Variants in PALM2AKAP2 observed in about 807,000 individuals in gnomAD.
The protein encoded by PALM2AKAP2 is PALM2-AKAP2 fusion protein.
PALM2AKAP2 carries 37 observed loss-of-function variants against 71.5 expected under a neutral mutation model. The observed-to-expected ratio is 0.52, with a 90% CI of 0.40 to 0.68. The LOEUF (loss-of-function observed/expected upper bound fraction) is 0.68. Ranked by LOEUF, PALM2AKAP2 falls within the 30% of genes least tolerant of loss-of-function variation. PALM2AKAP2 has a pLI of 0.00. For missense variants in PALM2AKAP2, 1,224 were observed against 1,191.8 expected (o/e 1.03, Z -0.40); for synonymous variants, 468 against 478.8 (o/e 0.98, Z 0.29).
chr9:109,786,749 G>A (rs1398999424), intron 1 of PALM2AKAP2, among the ~76,000 whole-genome samples: 1 of 152,060 alleles, frequency 6.6e-6, no homozygotes, highest in African/African-American at 2.4e-5. Flanking sequence ...ACAAAGAGCA[G>A]CTACTCTGAC....
intron 3 of PALM2AKAP2, among the ~76,000 whole-genome samples, chr9:109,899,824 T>C (rs748305815): frequency 4.6e-5 from 7 of 152,190 alleles, no homozygotes; most frequent in Non-Finnish European, 8.8e-5. Context: ...CCATCAAGTC[T>C]CAGCTGAGAT....
intron 1 of PALM2AKAP2, among the ~76,000 whole-genome samples, chr9:109,700,370 T>C (rs1484093144): frequency 6.6e-6 from 1 of 152,178 alleles, no homozygotes; most frequent in Non-Finnish European, 1.5e-5. Flanking sequence ...ATGTAAGACG[T>C]GACTTTGCTC....
chr9:109,910,595 C>T (rs562553110), intron 3 of PALM2AKAP2, among the ~76,000 whole-genome samples: 17 of 152,190 alleles, frequency 1.1e-4, no homozygotes, highest in South Asian at 4.2e-4. Flanking sequence ...TTTTTAAAAA[C>T]GAAGAAGTCA....
chr9:109,976,350 G>T (rs1326566102), intron 6 of PALM2AKAP2, among the ~76,000 whole-genome samples: 1 of 152,232 alleles, frequency 6.6e-6, no homozygotes. Context: ...GGAAACTGAG[G>T]CATAGAAAGG....
intron 1 of PALM2AKAP2, among the ~76,000 whole-genome samples, chr9:109,785,881 A>G (rs1454860804): frequency 6.6e-6 from 1 of 152,208 alleles, no homozygotes; most frequent in African/African-American, 2.4e-5. Flanking sequence ...CTGCTGGACT[A>G]AAATCTTCTG....
rs76920486 is a variant in PALM2AKAP2 at position 109,758,203 on chromosome 9, T to C, written c.6-22285T>C. Among the ~76,000 whole-genome samples the C allele has an allele frequency of 1.1e-3, 172 of 152,262 alleles. 1 individual carries two copies. Among genetic ancestry groups the C allele is most frequent in the Non-Finnish European group, 2.1e-3 (144 of 67,992 alleles). ...TCCCCATCAGTGCATGAAGAGTTTTTCCATCCTGTCTTAAAGAGAAGTTGT... is the reference window on the plus strand; with the variant it reads ...TCCCCATCAGTGCATGAAGAGTTTTCCCATCCTGTCTTAAAGAGAAGTTGT... On this transcript the variant is annotated intron_variant, in intron 1 of 6. Coordinates refer to the PALM2AKAP2 transcript ENST00000374531.
chr9:110,136,389 G>A (rs771607826), exon 2 of PALM2AKAP2: 17 of 1,614,100 alleles, frequency 1.1e-5, no homozygotes, highest in Admixed American at 1.7e-5. Context: ...GATGTTGCCA[G>A]AGAGATCCGC....
intron 1 of PALM2AKAP2, among the ~76,000 whole-genome samples, chr9:110,118,933 G>A (rs1352263229): frequency 2.6e-5 from 4 of 152,106 alleles, no homozygotes; most frequent in Admixed American, 1.3e-4. Flanking sequence ...CAAAGGTAAC[G>A]TGCTCTTTAT....
At chr9:109,780,309 C>A, upstream of PALM2AKAP2, 1 of 1,353,866 alleles carries the variant, frequency 7.4e-7, no homozygotes, top group Non-Finnish European at 9.5e-7. Flanking sequence ...AGAGGCTGAG[C>A]CCGGGCGAGC....
At chr9:109,954,243 T>G (rs1013170032) in intron 6 of PALM2AKAP2, among the ~76,000 whole-genome samples, 3 of 152,144 alleles carry the variant, frequency 2.0e-5, no homozygotes, top group Non-Finnish European at 4.4e-5. Flanking sequence ...ATGATGGTAT[T>G]GTTACTATTT....
chr9:109,732,481 G>T (rs1297328584), intron 1 of PALM2AKAP2, among the ~76,000 whole-genome samples: 2 of 152,210 alleles, frequency 1.3e-5, no homozygotes, highest in African/African-American at 4.8e-5. Context: ...GATGACAGTA[G>T]TTGGAAGACT....
chr9:109,867,443 G>A (rs537764976), intron 1 of PALM2AKAP2, 48 bp from the exon 2 acceptor site: 3 of 1,602,022 alleles, frequency 1.9e-6, no homozygotes, highest in Non-Finnish European at 2.6e-6. Flanking sequence ...AAAATTTCTG[G>A]AGCCAACACC....
At chr9:109,943,391 A>G (rs1831423971) in intron 6 of PALM2AKAP2, 1 of 1,613,044 alleles carries the variant, frequency 6.2e-7, no homozygotes, top group African/African-American at 1.3e-5. Flanking sequence ...GGTACCCAAA[A>G]GAAAAAGCGC....
At chr9:109,687,304 A>C (rs924193067) in intron 1 of PALM2AKAP2, among the ~76,000 whole-genome samples, 1 of 152,238 alleles carries the variant, frequency 6.6e-6, no homozygotes, top group African/African-American at 2.4e-5. Context: ...TAGCTGTGAA[A>C]GTGCTAGATA....
At chr9:110,013,824 T>C (rs1304823585) in intron 6 of PALM2AKAP2, among the ~76,000 whole-genome samples, 1 of 152,174 alleles carries the variant, frequency 6.6e-6, no homozygotes, top group African/African-American at 2.4e-5. Flanking sequence ...TTCAAGTAAT[T>C]ATTAGTCATT....
chr9:109,982,898 A>T (rs118017491), intron 6 of PALM2AKAP2, among the ~76,000 whole-genome samples: 14,105 of 152,208 alleles, frequency 0.093, 796 homozygotes, highest in East Asian at 0.16. Context: ...TGTTAAAAAT[A>T]TAGGTGTGAG....
intron 7 of PALM2AKAP2, among the ~76,000 whole-genome samples, chr9:110,022,755 A>T (rs1384257592): frequency 1.4e-5 from 2 of 146,064 alleles, no homozygotes; most frequent in South Asian, 2.2e-4. Context: ...CAGTCCCCGG[A>T]GTGTGATGTT....
chr9:109,992,182 C>G (rs1832496831), intron 6 of PALM2AKAP2, among the ~76,000 whole-genome samples: 1 of 152,186 alleles, frequency 6.6e-6, no homozygotes, highest in African/African-American at 2.4e-5. Flanking sequence ...TCAGCTTCTG[C>G]TCCCCGAAGC....
intron 5 of PALM2AKAP2, among the ~76,000 whole-genome samples, chr9:109,926,512 G>C (rs115126759): frequency 6.6e-6 from 1 of 152,210 alleles, no homozygotes; most frequent in Admixed American, 6.5e-5. Context: ...TGAGGAAGTG[G>C]CCTTGGGGAA....
Sources: allele counts gnomAD v4.1 joint callset (sites outside exome capture counted in the v4.1 genomes callset), GRCh38; gene constraint gnomAD v4.1.1; transcripts MANE v1.5; gene names NCBI Gene and HGNC (gene_info 2026-07-23, HGNC 2026-07-21).